The following RGSL1 variants were observed in gnomAD, a reference collection of about 807,000 sequenced individuals.
RGSL1 encodes regulator of G protein signaling like 1, also known as regulator of G protein signaling protein-like.
Under a neutral mutation model 124.7 loss-of-function variants are expected in RGSL1, and 97 were observed. The ratio of observed to expected loss-of-function variants is 0.78; its 90% CI spans 0.66 to 0.92. The LOEUF (loss-of-function observed/expected upper bound fraction) is 0.92, where lower values mean the gene tolerates loss of function less well. Among genes scored for constraint, RGSL1 ranks in the 40% least tolerant of loss-of-function variants. RGSL1 has a pLI of 0.00. For missense variants in RGSL1, 1,233 were observed against 1,288.4 expected, an observed-to-expected ratio of 0.96 and a Z score of 0.66; for synonymous variants, 424 against 438.1, an observed-to-expected ratio of 0.97 and a Z score of 0.40.
chr1:182,559,922 G>T (rs1661078459), intron 21 of RGSL1, among the ~76,000 whole-genome samples: 1 of 152,142 alleles, frequency 6.6e-6, no homozygotes, highest in African/African-American at 2.4e-5. Flanking sequence ...TAGACTACAT[G>T]CTTTTGTAGG....
At chr1:182,521,909 C>G in intron 9 of RGSL1, 95 bp from the exon 10 acceptor site, 1 of 835,446 alleles carries the variant, frequency 1.2e-6, no homozygotes, top group Non-Finnish European at 1.9e-6. Flanking sequence ...GGGATTTTTT[C>G]ACATGAACTT....
chr1:182,476,038 C>T (rs887892342), intron 6 of RGSL1, among the ~76,000 whole-genome samples: 7 of 152,082 alleles, frequency 4.6e-5, no homozygotes, highest in African/African-American at 1.7e-4. Context: ...GTAGATGATC[C>T]AGGATCAGAA....
chr1:182,532,032 T>TAAA (rs1659210512), intron 13 of RGSL1, among the ~76,000 whole-genome samples: 2 of 152,228 alleles, frequency 1.3e-5, no homozygotes, highest in African/African-American at 2.4e-5. Flanking sequence ...AGGCTTATGT[T>TAAA]GTTTCCCTCT....
At chr1:182,558,344 C>T (rs78443664) in intron 21 of RGSL1, among the ~76,000 whole-genome samples, 1 of 152,148 alleles carries the variant, frequency 6.6e-6, no homozygotes, top group Non-Finnish European at 1.5e-5. Context: ...AGGTAAGGAA[C>T]CTGGCCTACT....
chr1:182,535,687 A>C (rs1391951038), intron 14 of RGSL1, among the ~76,000 whole-genome samples: 1 of 152,186 alleles, frequency 6.6e-6, no homozygotes, highest in Non-Finnish European at 1.5e-5. Flanking sequence ...ATTATCTGGC[A>C]CATTTGTCTG....
In RGSL1 at chr1:182,474,250, C is replaced by G. The variant is rs996787043; in HGVS notation, c.1139C>G (p.Ala380Gly). ...TTGGCCTTGTGTGCTGATGCCTGTG[C>G]AGGGAACCCTTTCCGGGACCACCTG... ...IHLALCADAC[A>G]GNPFRDHLKK... Residue 380 changes from alanine (A) to glycine (G), a missense_variant, in exon 6 of 22, where the codon GCA (alanine) becomes GGA (glycine). Ala to Gly is a moderately conservative substitution (Grantham distance 60). Transcript: ENST00000294854. 4 of 1,551,738 alleles carry G rather than the reference C, an allele frequency of 2.6e-6. No individual in the cohort carries two copies. In the African/African-American group the frequency reaches 5.5e-5, roughly 21 times the overall value.
intron 18 of RGSL1, among the ~76,000 whole-genome samples, chr1:182,551,899 C>T (rs1403228729): frequency 6.6e-6 from 1 of 152,088 alleles, no homozygotes; most frequent in East Asian, 1.9e-4. Context: ...ACCATGGTGT[C>T]ACAATTGCAA....
chr1:182,465,062 G>A (rs1050841732), intron 4 of RGSL1, among the ~76,000 whole-genome samples: 2 of 146,972 alleles, frequency 1.4e-5, no homozygotes, highest in East Asian at 1.9e-4. Context: ...AGGTAACAGA[G>A]CAAGACCCTA....
intron 6 of RGSL1, among the ~76,000 whole-genome samples, chr1:182,477,925 C>G (rs1383958800): frequency 6.6e-6 from 1 of 152,168 alleles, no homozygotes; most frequent in Non-Finnish European, 1.5e-5. Flanking sequence ...CATGAAAAAT[C>G]AGGTACATGT....
At chr1:182,505,763 T>C (rs916084586) in intron 9 of RGSL1, among the ~76,000 whole-genome samples, 13 of 152,324 alleles carry the variant, frequency 8.5e-5, no homozygotes, top group African/African-American at 3.1e-4. Context: ...GATGCACTTA[T>C]GTTTTCTGAT....
intron 17 of RGSL1, 66 bp from the exon 18 acceptor site, chr1:182,551,034 T>A (rs1309949578): frequency 9.4e-7 from 1 of 1,061,172 alleles, no homozygotes; most frequent in Non-Finnish European, 1.4e-6. Flanking sequence ...GTTTCCCCTG[T>A]GCTCGGTGCT....
intron 6 of RGSL1, among the ~76,000 whole-genome samples, chr1:182,480,460 G>GTT (rs34766284): frequency 5.1e-4 from 73 of 142,220 alleles, no homozygotes; most frequent in Middle Eastern, 3.6e-3. Context: ...AACATTACAA[G>GTT]TTTTTTTTTT....
At chr1:182,460,870 T>A (rs1652772615) in intron 4 of RGSL1, 2 of 385,354 alleles carry the variant, frequency 5.2e-6, no homozygotes, top group Admixed American at 6.0e-5. Flanking sequence ...CAGTGGCAGC[T>A]ACTTACCCTC....
chr1:182,529,765 A>G (rs1659025552), intron 11 of RGSL1, among the ~76,000 whole-genome samples: 1 of 152,200 alleles, frequency 6.6e-6, no homozygotes, highest in Non-Finnish European at 1.5e-5. Flanking sequence ...ATGAGCTAGA[A>G]GAGGAAGAGT....
chr1:182,454,110 G>A, intron 2 of RGSL1, 70 bp downstream of exon 2: 1 of 890,978 alleles, frequency 1.1e-6, no homozygotes, highest in South Asian at 1.5e-5. Context: ...AGAGCTGAGT[G>A]ACTTTTTTTG....
chr1:182,553,046 A>C (rs1660662458), intron 18 of RGSL1, among the ~76,000 whole-genome samples: 1 of 152,216 alleles, frequency 6.6e-6, no homozygotes, highest in Non-Finnish European at 1.5e-5. Flanking sequence ...CTGGAATTAC[A>C]GGTGAACACC....
chr1:182,473,976 G>A lies in RGSL1; in HGVS notation c.865G>A (p.Val289Ile), dbSNP rs1333821124. The A allele has an allele frequency of 2.6e-6, 4 of 1,551,978 alleles. No individual in the cohort carries two copies. The South Asian group carries it at 4.8e-5, about 18-fold the overall frequency. The change falls in exon 6 of 22, where the codon GTT becomes ATT. Residue 289 changes from valine to isoleucine, a missense_variant. Physicochemically the swap from Val to Ile is conservative, Grantham distance 29. Transcript: ENST00000294854. ...GGAGACATGTCCTCAAGAGAAGGTGGTTATACAAATGCCTTCCCTGAAAAT... is the reference window on the plus strand; with the variant it reads ...GGAGACATGTCCTCAAGAGAAGGTGATTATACAAATGCCTTCCCTGAAAAT... ...LQETCPQEKV[V>I]IQMPSLKMAS...
At position 182,474,233 on chromosome 1, in the gene RGSL1, G is replaced by T; in HGVS notation, c.1122G>T (p.Leu374Phe). The change falls in exon 6 of 22, where the codon TTG becomes TTT. Residue 374 changes from leucine to phenylalanine, a missense_variant. Leu to Phe is a conservative substitution (Grantham distance 22, BLOSUM62 0). Coordinates refer to ENST00000294854, the MANE Select transcript of RGSL1 (RefSeq NM_001137669.2). ...CCTTAGGATACATCCACTTGGCCTT[G>T]TGTGCTGATGCCTGTGCAGGGAACC... is the stretch of plus-strand genomic sequence containing the variant. ...SFSLGYIHLA[L>F]CADACAGNPF... The T allele has an allele frequency of 6.4e-7, 1 of 1,551,930 alleles. No homozygotes were observed. The highest frequency in any genetic ancestry group is 8.7e-7 in the Non-Finnish European group (1 of 1,147,024).
chr1:182,504,074 G>A (rs897160504), intron 9 of RGSL1, among the ~76,000 whole-genome samples: 2 of 147,816 alleles, frequency 1.4e-5, no homozygotes, highest in Non-Finnish European at 3.0e-5. Context: ...TCTGCCTCCC[G>A]GGTTCAAGCG....
Sources: allele counts gnomAD v4.1 joint callset (sites outside exome capture counted in the v4.1 genomes callset), GRCh38; gene constraint gnomAD v4.1.1; transcripts MANE v1.5; gene names NCBI Gene and HGNC (gene_info 2026-07-23, HGNC 2026-07-21).